The following CCDC18 variants were observed in gnomAD, a reference collection of about 807,000 sequenced individuals.
CCDC18 encodes coiled-coil domain containing 18.
In CCDC18, 157 loss-of-function variants were observed where a neutral mutation model predicts 196.0. That is an observed-to-expected ratio of 0.80 (90% CI 0.70 to 0.91). CCDC18 has a LOEUF of 0.91. Ranked by LOEUF, CCDC18 falls within the 40% of genes least tolerant of loss-of-function variation. The pLI, the probability that CCDC18 is intolerant of heterozygous loss-of-function variation, is 0.00. For synonymous variants in CCDC18, 482 were observed against 529.2 expected (o/e 0.91, Z 1.22); for missense variants, 1,465 against 1,611.6 (o/e 0.91, Z 1.56).
chr1:93,275,193 C>T (rs1462381562), intron 28 of CCDC18, among the ~76,000 whole-genome samples: 4 of 152,162 alleles, frequency 2.6e-5, no homozygotes, highest in African/African-American at 7.2e-5. Context: ...CTGCAACCTC[C>T]GCTTCCCAGG....
upstream of CCDC18, chr1:93,179,980 T>A: frequency 6.8e-7 from 1 of 1,466,088 alleles, no homozygotes; most frequent in Non-Finnish European, 9.2e-7. Flanking sequence ...ACCAGAAGTT[T>A]CTAAACGGGT....
At chr1:93,198,223 C>T (rs1653126413) in intron 6 of CCDC18, among the ~76,000 whole-genome samples, 1 of 152,176 alleles carries the variant, frequency 6.6e-6, no homozygotes, top group African/African-American at 2.4e-5. Context: ...TAATTTTATT[C>T]ATTGTTAAAT....
At chr1:93,199,992 AT>A (rs989719588) in intron 6 of CCDC18, 30 of 150,732 alleles carry the variant, frequency 2.0e-4, no homozygotes, top group East Asian at 3.9e-4. Flanking sequence ...ATTTTATTTT[AT>A]TTTTTTTTAG....
chr1:93,183,378 C>G lies in CCDC18; in HGVS notation c.17C>G (p.Ser6Ter). MESSS[S>*]DYYNKDNEEE... The stretch of plus-strand genomic sequence containing the variant: ...TTTTAAGAAATGGAATCTAGTTCAT[C>G]AGACTACTATAATAAAGACAATGAA... The change falls in exon 2 of 29, where the codon TCA becomes TGA. Residue 6 changes from serine to a stop codon, truncating the protein, a stop_gained. Transcript: ENST00000690025. LOFTEE classifies it high-confidence loss of function. The G allele has an allele frequency of 6.4e-7, 1 of 1,569,220 alleles. No individual in the cohort carries two copies. The highest frequency in any genetic ancestry group is 1.2e-5 in the South Asian group (1 of 82,546).
At chr1:93,216,380 CATAG>C (rs1243884998) in intron 12 of CCDC18, among the ~76,000 whole-genome samples, 3 of 152,312 alleles carry the variant, frequency 2.0e-5, no homozygotes, top group South Asian at 2.1e-4. Flanking sequence ...TTATGTTTTA[CATAG>C]ATAGAAGAAG....
intron 26 of CCDC18, among the ~76,000 whole-genome samples, chr1:93,264,073 G>T (rs1664174328): frequency 6.6e-6 from 1 of 151,018 alleles, no homozygotes; most frequent in African/African-American, 2.5e-5. Flanking sequence ...GATTATGGCA[G>T]AAGGGGAAGC....
intron 27 of CCDC18, chr1:93,269,901 T>C (rs1278006774): frequency 6.6e-6 from 1 of 152,528 alleles, no homozygotes; most frequent in South Asian, 2.1e-4. Context: ...AAAGCTTTCT[T>C]GTAATGAGAA....
Position 93,239,435 on chromosome 1 carries a change from A to C in CCDC18, c.2729A>C (p.Asp910Ala). ...MHLSQLDMIL[D>A]QTKTELEKKT... is the part of the protein sequence containing the mutation. ...CTCTCTCAATTAGATATGATCTTAG[A>C]TCAGACAAAGACAGAGCTAGAAAAG... The change falls in exon 20 of 29, where the codon GAT (aspartate) becomes GCT (alanine). Residue 910 changes from aspartate (D) to alanine (A), a missense_variant. Coordinates refer to ENST00000690025, the MANE Select transcript of CCDC18 (RefSeq NM_001378204.1). 6.2e-7 allele frequency: 1 copy of C among 1,612,902 alleles called. No individual in the cohort carries two copies. The highest frequency in any genetic ancestry group is 1.7e-4 in the Middle Eastern group (1 of 6,052).
chr1:93,187,437 CTG>C (rs1390517765), intron 4 of CCDC18, among the ~76,000 whole-genome samples: 1 of 151,580 alleles, frequency 6.6e-6, no homozygotes, highest in Admixed American at 6.6e-5. Flanking sequence ...GTGCATGTGT[CTG>C]TGTGTGTGTG....
intron 27 of CCDC18, among the ~76,000 whole-genome samples, chr1:93,265,577 C>T (rs1570638279): frequency 6.6e-6 from 1 of 152,118 alleles, no homozygotes. Context: ...GCCAACTCTA[C>T]AACTGTTTTG....
At chr1:93,210,501 A>AAT (rs1655442028) in intron 9 of CCDC18, among the ~76,000 whole-genome samples, 1 of 152,084 alleles carries the variant, frequency 6.6e-6, no homozygotes, top group Non-Finnish European at 1.5e-5. Flanking sequence ...TGCATCTAGA[A>AAT]ATATATATAT....
intron 27 of CCDC18, among the ~76,000 whole-genome samples, chr1:93,269,135 A>G (rs1336775739): frequency 1.3e-5 from 2 of 152,164 alleles, no homozygotes; most frequent in East Asian, 3.9e-4. Flanking sequence ...AGGGACATGG[A>G]TAAAGCTGGA....
chr1:93,255,808 T>C (rs1367813016), intron 24 of CCDC18, among the ~76,000 whole-genome samples: 1 of 133,298 alleles, frequency 7.5e-6, no homozygotes, highest in Non-Finnish European at 1.6e-5. Flanking sequence ...GGGGGAGGGA[T>C]AGTGGGGAGG....
chr1:93,270,849 T>C, intron 28 of CCDC18, 35 bp downstream of exon 28: 1 of 1,384,622 alleles, frequency 7.2e-7, no homozygotes, highest in African/African-American at 1.5e-5. Flanking sequence ...TGTAATAATT[T>C]GTTTCCAAAG....
chr1:93,188,920 C>T (rs899352265), intron 4 of CCDC18, among the ~76,000 whole-genome samples: 2 of 152,082 alleles, frequency 1.3e-5, no homozygotes, highest in African/African-American at 4.8e-5. Flanking sequence ...GCATAATAAT[C>T]GCATCATGGA....
chr1:93,229,213 C>T (rs1478571079), intron 17 of CCDC18, among the ~76,000 whole-genome samples: 5 of 152,200 alleles, frequency 3.3e-5, no homozygotes, highest in Non-Finnish European at 5.9e-5. Flanking sequence ...TTTGCAAGCT[C>T]ATTTATTGCC....
intron 13 of CCDC18, among the ~76,000 whole-genome samples, chr1:93,217,047 G>GC (rs924107350): frequency 1.3e-5 from 2 of 148,794 alleles, no homozygotes; most frequent in African/African-American, 5.0e-5. Context: ...CCATTCTCCT[G>GC]CCTCAGCCTC....
chr1:93,241,209 C>T (rs906608829), intron 21 of CCDC18, among the ~76,000 whole-genome samples: 1 of 151,810 alleles, frequency 6.6e-6, no homozygotes, highest in African/African-American at 2.4e-5. Context: ...TCCACCTGGG[C>T]CTCCCAAGGT....
intron 6 of CCDC18, among the ~76,000 whole-genome samples, chr1:93,194,230 T>C (rs972845659): frequency 6.6e-6 from 1 of 152,300 alleles, no homozygotes; most frequent in East Asian, 1.9e-4. Flanking sequence ...CTATTTTGTA[T>C]AAATTATATC....
Sources: allele counts gnomAD v4.1 joint callset (sites outside exome capture counted in the v4.1 genomes callset), GRCh38; gene constraint gnomAD v4.1.1; transcripts MANE v1.5; gene names NCBI Gene and HGNC (gene_info 2026-07-23, HGNC 2026-07-21).